The following SCAF8 variants were observed in gnomAD, a reference collection of about 807,000 sequenced individuals.
SCAF8 encodes SR-related and CTD-associated factor 8.
In SCAF8, 23 loss-of-function variants were observed where a neutral mutation model predicts 140.5. That is an observed-to-expected ratio of 0.16 (90% CI 0.12 to 0.23). SCAF8 has a LOEUF of 0.23. Among genes scored for constraint, SCAF8 ranks in the 10% least tolerant of loss-of-function variants. The pLI, the probability that SCAF8 is intolerant of heterozygous loss-of-function variation, is 1.00. For missense variants in SCAF8, 1,397 were observed against 1,555.7 expected, an observed-to-expected ratio of 0.90 and a Z score of 1.72; for synonymous variants, 575 against 528.9, an observed-to-expected ratio of 1.09 and a Z score of -1.20.
chr6:154,808,062 C>T lies in SCAF8; in HGVS notation c.982-8C>T. ...CAATCTTTGTGTGTTTGTATATGTT[C>T]TCAATAGGCCACTCCTCAGGATAGT... On this transcript the variant is annotated splice_polypyrimidine_tract_variant and splice_region_variant and intron_variant, in intron 9 of 19. Transcript: ENST00000367178. The T allele has an allele frequency of 6.2e-7, 1 of 1,606,762 alleles. No individual in the cohort carries two copies. Among genetic ancestry groups the T allele is most frequent in the Non-Finnish European group, 8.5e-7 (1 of 1,177,618 alleles).
chr6:154,736,929 G>T (rs1017600106), intron 1 of SCAF8, among the ~76,000 whole-genome samples: 1 of 152,180 alleles, frequency 6.6e-6, no homozygotes, highest in Admixed American at 6.5e-5. Context: ...TCAGGGAGTT[G>T]AGGAAGGGAA....
intron 16 of SCAF8, among the ~76,000 whole-genome samples, chr6:154,823,766 G>A (rs1778487536): frequency 1.3e-5 from 2 of 152,306 alleles, no homozygotes; most frequent in South Asian, 4.1e-4. Flanking sequence ...GAAATTTACA[G>A]GAGAGGTAAA....
rs750987821 is a variant in SCAF8 at position 154,733,798 on chromosome 6, C to A, written c.-103C>A. The A allele has an allele frequency of 2.8e-6, 4 of 1,421,046 alleles. No homozygotes were observed. The highest frequency in any genetic ancestry group is 2.8e-6 in the Non-Finnish European group (3 of 1,089,618). 88.0% of individuals were successfully genotyped at this position (1,421,046 alleles called of 1,614,324 possible). A position where few individuals can be genotyped will look rare whatever the true frequency, so the allele number is the denominator to read the frequency against. ...CAGCGGCCCGCTCTCCCGCCAGCGC[C>A]CCCTCCTCGCGGCCACGCAGCAGCC... On this transcript the variant is annotated 5_prime_UTR_variant, in exon 1 of 20. Coordinates refer to ENST00000367178, the MANE Select transcript of SCAF8 (RefSeq NM_014892.5).
chr6:154,770,728 G>C (rs1776736361), intron 1 of SCAF8, among the ~76,000 whole-genome samples: 1 of 152,090 alleles, frequency 6.6e-6, no homozygotes, highest in Non-Finnish European at 1.5e-5. Context: ...GCAGCAGTTG[G>C]TCTTTGGTTA....
intron 19 of SCAF8, 150 bp from the exon 20 acceptor site, chr6:154,831,789 A>T (rs1386297195): frequency 1.8e-5 from 10 of 549,870 alleles, no homozygotes; most frequent in Admixed American, 3.5e-5. Flanking sequence ...AAATCAGTAT[A>T]ATACCTGACA....
chr6:154,775,346 C>A (rs978271051), intron 2 of SCAF8, among the ~76,000 whole-genome samples: 1 of 152,124 alleles, frequency 6.6e-6, no homozygotes, highest in South Asian at 2.1e-4. Context: ...TAATTTTATT[C>A]TCTTGTACTT....
At chr6:154,800,157 ACTTC>A (rs984229280) in intron 6 of SCAF8, among the ~76,000 whole-genome samples, 24 of 151,468 alleles carry the variant, frequency 1.6e-4, no homozygotes, top group African/African-American at 5.8e-4. Flanking sequence ...GCCTCTGCTT[ACTTC>A]CTTCCTTAGC....
intron 1 of SCAF8, among the ~76,000 whole-genome samples, chr6:154,748,875 G>A (rs1778771681): frequency 6.6e-6 from 1 of 152,206 alleles, no homozygotes; most frequent in South Asian, 2.1e-4. Flanking sequence ...AGAATTAAAT[G>A]TCTGAGTTCT....
At position 154,786,598 on chromosome 6, in the gene SCAF8, G is replaced by C. The variant is rs1192990792; in HGVS notation, c.160-1263G>C. 2.0e-5 allele frequency among the ~76,000 whole-genome samples: 3 copies of C among 152,328 alleles called. No homozygotes were observed. The East Asian group carries it at 5.8e-4, about 29-fold the overall frequency. The stretch of plus-strand genomic sequence containing the variant: ...TAAACTAAATTCCCTCCCAAGGTTA[G>C]TTCGGCCCAGGCCCAGGAATGACAA... On this transcript the variant is annotated intron_variant, in intron 3 of 19. Coordinates refer to ENST00000367178, the MANE Select transcript of SCAF8 (RefSeq NM_014892.5).
chr6:154,819,112 A>G (rs985719560), intron 14 of SCAF8, among the ~76,000 whole-genome samples: 15 of 151,832 alleles, frequency 9.9e-5, no homozygotes, highest in African/African-American at 2.9e-4. Context: ...ATTACTTTCT[A>G]TGATTAACTC....
Position 154,832,365 on chromosome 6 carries a change from G to T in SCAF8, c.2786G>T (p.Gly929Val). The T allele has an allele frequency of 6.2e-7, 1 of 1,613,882 alleles. No individual in the cohort carries two copies. ...ATGCCAATGTTAGACATTCGTCCGG[G>T]ACTAATACCACAGGCACCTGGGCCA... Reference protein sequence around the residue: ...PTMPMLDIRPGLIPQAPGPRF... With the variant: ...PTMPMLDIRPVLIPQAPGPRF... The change falls in exon 20 of 20, where the codon GGA becomes GTA. Residue 929 changes from glycine (G) to valine (V), a missense_variant. Transcript: ENST00000367178.
At position 154,832,303 on chromosome 6, in the gene SCAF8, A is replaced by ACCC. The variant is rs1483129269; in HGVS notation, c.2727_2729dup (p.Pro910dup). The stretch of plus-strand genomic sequence containing the variant: ...AGCCACCAGCTGGACCTCAAAACTT[A>ACCC]CCCCCTTTAAGTATCCCTAATCAAA... On this transcript the variant is annotated inframe_insertion, in exon 20 of 20. Coordinates refer to ENST00000367178, the MANE Select transcript of SCAF8 (RefSeq NM_014892.5). The ACCC allele has an allele frequency of 1.2e-6, 2 of 1,613,778 alleles. No individual in the cohort carries two copies. The highest frequency in any genetic ancestry group is 3.3e-5 in the Admixed American group (2 of 59,974).
intron 7 of SCAF8, among the ~76,000 whole-genome samples, chr6:154,802,806 A>C (rs1363445913): frequency 6.6e-6 from 1 of 152,164 alleles, no homozygotes; most frequent in Admixed American, 6.5e-5. Context: ...TGGACCTGCA[A>C]AAATTAAAAT....
In SCAF8 at chr6:154,763,411, T is replaced by C. The variant is rs576386048; in HGVS notation, c.31-10578T>C. ...AGAAAGATGGACTGGGTTGATTACATTTAGTTATTTTAGGTTCACTCTTAA... is the reference window on the plus strand; with the variant it reads ...AGAAAGATGGACTGGGTTGATTACACTTAGTTATTTTAGGTTCACTCTTAA... On this transcript the variant is annotated intron_variant, in intron 1 of 19. Transcript: ENST00000367178. Among the ~76,000 whole-genome samples the C allele has an allele frequency of 2.6e-5, 4 of 152,282 alleles. No individual in the cohort carries two copies. The South Asian group carries it at 8.3e-4, about 32-fold the overall frequency.
At chr6:154,790,467 T>G (rs1777380582) in intron 4 of SCAF8, among the ~76,000 whole-genome samples, 1 of 150,342 alleles carries the variant, frequency 6.7e-6, no homozygotes, top group African/African-American at 2.4e-5. Context: ...TTTTACTTTG[T>G]AAAACATATA....
At chr6:154,782,437 C>G (rs1777111574) in intron 3 of SCAF8, among the ~76,000 whole-genome samples, 1 of 148,790 alleles carries the variant, frequency 6.7e-6, no homozygotes, top group African/African-American at 2.5e-5. Context: ...ACAAAACAAA[C>G]AAACAGAAAA....
intron 13 of SCAF8, among the ~76,000 whole-genome samples, chr6:154,817,140 A>G (rs1234269690): frequency 2.6e-5 from 4 of 152,142 alleles, no homozygotes; most frequent in Non-Finnish European, 2.9e-5. Context: ...AGTGATTCTC[A>G]GTTCTAGCTG....
At chr6:154,744,935 TTACCTC>T (rs1778659791) in intron 1 of SCAF8, among the ~76,000 whole-genome samples, 1 of 152,212 alleles carries the variant, frequency 6.6e-6, no homozygotes, top group African/African-American at 2.4e-5. Context: ...ATGGTACCCT[TTACCTC>T]TAAATAACTC....
chr6:154,812,096 C>T (rs546010870), intron 12 of SCAF8, among the ~76,000 whole-genome samples: 173 of 150,868 alleles, frequency 1.1e-3, no homozygotes, highest in African/African-American at 4.0e-3. Flanking sequence ...ATAAAAAGCA[C>T]GTGAATAAAA....
Sources: gnomAD v4.1 joint callset for allele counts (sites outside exome capture counted in the v4.1 genomes callset) on GRCh38, gnomAD v4.1.1 for gene constraint, MANE v1.5 for transcripts, NCBI Gene and HGNC (gene_info 2026-07-23, HGNC 2026-07-21) for gene names.